Variants in TENM1 observed in about 807,000 individuals in gnomAD.
TENM1 encodes the protein teneurin-1.
Under a neutral mutation model 174.8 loss-of-function variants are expected in TENM1, and 35 were observed. The observed-to-expected ratio is 0.20, with a 90% CI of 0.15 to 0.27. TENM1 has a LOEUF of 0.27. Among genes scored for constraint, TENM1 ranks in the 10% least tolerant of loss-of-function variants. The pLI, the probability that TENM1 is intolerant of heterozygous loss-of-function variation, is 1.00. For synonymous variants in TENM1, 781 were observed against 798.7 expected, an observed-to-expected ratio of 0.98 and a Z score of 0.37; for missense variants, 1,633 against 2,130.1, an observed-to-expected ratio of 0.77 and a Z score of 4.59.
chrX:124,664,929 C>T (rs1447310616), intron 6 of TENM1, among the ~76,000 whole-genome samples: 1 of 111,388 alleles, frequency 9.0e-6, no homozygotes, highest in Non-Finnish European at 1.9e-5. Flanking sequence ...AGGAAGGGTG[C>T]TAACAGTAAG....
At chrX:124,661,033 T>C (rs1457788426) in intron 6 of TENM1, among the ~76,000 whole-genome samples, 1 of 112,198 alleles carries the variant, frequency 8.9e-6, no homozygotes, top group Non-Finnish European at 1.9e-5. Flanking sequence ...ACCTATATTA[T>C]GGAATATTAT....
intron 20 of TENM1, among the ~76,000 whole-genome samples, chrX:124,495,911 A>G (rs1333638847): frequency 3.9e-5 from 4 of 102,439 alleles, no homozygotes; most frequent in Non-Finnish European, 7.9e-5. Context: ...CGCATCGCCA[A>G]GTCAATCCTA....
At chrX:125,181,805 T>A in the TENM1 span, among the ~76,000 whole-genome samples, 1 of 110,894 alleles carries the variant, frequency 9.0e-6, no homozygotes, top group Non-Finnish European at 1.9e-5. Context: ...GTAGTTCTGA[T>A]GGAGGGACCT....
At chrX:124,744,520 A>G (rs755889737) in intron 3 of TENM1, among the ~76,000 whole-genome samples, 9 of 112,239 alleles carry the variant, frequency 8.0e-5, no homozygotes, top group Non-Finnish European at 1.3e-4. Context: ...ATGTACCATG[A>G]AACATGAAAT....
intron 20 of TENM1, among the ~76,000 whole-genome samples, chrX:124,492,344 G>T (rs1471130950): frequency 9.0e-6 from 1 of 111,354 alleles, no homozygotes; most frequent in African/African-American, 3.3e-5. Flanking sequence ...TAGAATCAAT[G>T]AACATTATGG....
intron 22 of TENM1, among the ~76,000 whole-genome samples, chrX:124,466,892 C>A (rs888286399): frequency 9.0e-6 from 1 of 111,558 alleles, no homozygotes; most frequent in African/African-American, 3.3e-5. Flanking sequence ...GTAAGCTTAG[C>A]AGAATCTATT....
intron 14 of TENM1, among the ~76,000 whole-genome samples, chrX:124,552,826 C>G (rs1469446851): frequency 9.0e-6 from 1 of 111,657 alleles, no homozygotes; most frequent in East Asian, 2.8e-4. Context: ...GTTCTTCTCC[C>G]TGGTATCAAC....
chrX:124,790,822 G>A (rs1223707625), intron 3 of TENM1, among the ~76,000 whole-genome samples: 1 of 110,926 alleles, frequency 9.0e-6, no homozygotes, highest in Non-Finnish European at 1.9e-5. Context: ...ATATAATACT[G>A]ATTTATAGAA....
chrX:124,862,579 C>T (rs918918400), intron 3 of TENM1, among the ~76,000 whole-genome samples: 2 of 111,000 alleles, frequency 1.8e-5, no homozygotes, highest in Non-Finnish European at 3.8e-5. Flanking sequence ...TTAAACCAGC[C>T]CTAGCCAGGG....
intron 11 of TENM1, among the ~76,000 whole-genome samples, chrX:124,596,257 GT>G (rs2049888818): frequency 8.9e-6 from 1 of 112,046 alleles, no homozygotes; most frequent in Non-Finnish European, 1.9e-5. Context: ...AAATATATGA[GT>G]TTTTGGATAC....
At chrX:125,105,438 C>T in the TENM1 span, among the ~76,000 whole-genome samples, 1 of 111,625 alleles carries the variant, frequency 9.0e-6, no homozygotes, top group Non-Finnish European at 1.9e-5. Context: ...AGAGATGTCC[C>T]ATGAATTTCC....
chrX:124,564,751 T>G (rs888749160), intron 12 of TENM1, among the ~76,000 whole-genome samples: 7 of 112,046 alleles, frequency 6.2e-5, no homozygotes, highest in Non-Finnish European at 1.3e-4. Flanking sequence ...ATAAATTAAT[T>G]ATTACATAGG....
chrX:124,961,945 T>C (rs1466508275), intron 1 of TENM1, among the ~76,000 whole-genome samples: 2 of 110,434 alleles, frequency 1.8e-5, no homozygotes, highest in Non-Finnish European at 3.8e-5. Context: ...ATCATGAAAA[T>C]GGAAAGGAGA....
intron 15 of TENM1, among the ~76,000 whole-genome samples, chrX:124,534,041 C>T (rs1477077442): frequency 8.9e-6 from 1 of 111,819 alleles, no homozygotes; most frequent in Non-Finnish European, 1.9e-5. Context: ...GAATATCACC[C>T]CTCACAAGTG....
At chrX:125,051,585 C>A in the TENM1 span, among the ~76,000 whole-genome samples, 2 of 108,916 alleles carry the variant, frequency 1.8e-5, no homozygotes, top group Non-Finnish European at 3.8e-5. Flanking sequence ...GAAAAACAAG[C>A]AATGGGGAAA....
chrX:124,500,096 AG>A lies in TENM1; in HGVS notation c.3446-2832del, dbSNP rs936089268. ...AATTCTAAAACTCCCCTTTTCTATT[AG>A]AAAGCCCAACACTCCATCAAAGAAG... On this transcript the variant is annotated intron_variant, in intron 19 of 31. Coordinates refer to ENST00000422452, the Ensembl canonical transcript of TENM1. Among the ~76,000 whole-genome samples the A allele has an allele frequency of 4.5e-5, 5 of 111,781 alleles. No homozygotes were observed. In the Admixed American group the frequency reaches 4.8e-4, roughly 11 times the overall value.
At chrX:125,042,808 G>A in the TENM1 span, among the ~76,000 whole-genome samples, 3 of 111,609 alleles carry the variant, frequency 2.7e-5, no homozygotes, top group Non-Finnish European at 5.7e-5. Flanking sequence ...GGCATAGACA[G>A]TATCAGCTGA....
At chrX:124,896,227 C>T (rs2057560569) in exon 2 of TENM1, 1 of 1,204,131 alleles carries the variant, frequency 8.3e-7, no homozygotes, top group Non-Finnish European at 1.1e-6. Context: ...TGAGAGGTTT[C>T]ACAGAATTCC....
chrX:125,036,081 T>C, the TENM1 span, among the ~76,000 whole-genome samples: 2 of 111,580 alleles, frequency 1.8e-5, no homozygotes, highest in East Asian at 5.7e-4. Flanking sequence ...AAACTGCAGG[T>C]CCTTATTAAT....
Sources: allele counts gnomAD v4.1 joint callset (sites outside exome capture counted in the v4.1 genomes callset), GRCh38; gene constraint gnomAD v4.1.1; transcripts MANE v1.5; gene names NCBI Gene and HGNC (gene_info 2026-07-23, HGNC 2026-07-21).